The following RAD50 variants were observed in gnomAD, a reference collection of about 807,000 sequenced individuals.
RAD50 encodes the protein RAD50 double strand break repair protein.
A neutral mutation model predicts 168.8 loss-of-function variants in RAD50; 132 were observed. The observed-to-expected ratio is 0.78, with a 90% CI of 0.68 to 0.90. The LOEUF (loss-of-function observed/expected upper bound fraction) is 0.90. RAD50 is among the 40% of genes least tolerant of loss of function. The pLI is 0.00. For missense variants in RAD50, 1,347 were observed against 1,534.4 expected (o/e 0.88, Z 2.04); for synonymous variants, 525 against 497.4 (o/e 1.06, Z -0.74).
chr5:132,642,440 A>T lies in RAD50; in HGVS notation c.*76A>T, dbSNP rs953174418. On this transcript the variant is annotated 3_prime_UTR_variant, in exon 25 of 25. Transcript: ENST00000378823. ...TAATAAGAAACTTATTTCTCATATC[A>T]ACTTAGTCAATAAGAAAATATATTC... is the stretch of plus-strand genomic sequence containing the variant. 1 of 1,279,026 alleles carries T rather than the reference A, an allele frequency of 7.8e-7. No individual in the cohort carries two copies. Among genetic ancestry groups the T allele is most frequent in the African/African-American group, 1.5e-5 (1 of 66,194 alleles). The allele number at this position is 1,279,026 out of a possible 1,614,324, so 79.2% of individuals were successfully genotyped here.
intron 19 of RAD50, among the ~76,000 whole-genome samples, chr5:132,611,449 T>C (rs1285211023): frequency 6.6e-6 from 1 of 151,684 alleles, no homozygotes; most frequent in Non-Finnish European, 1.5e-5. Context: ...CTCACGCCTG[T>C]AATCCCAGCA....
intron 5 of RAD50, among the ~76,000 whole-genome samples, chr5:132,581,488 A>T (rs563097907): frequency 6.6e-5 from 10 of 152,284 alleles, no homozygotes; most frequent in Admixed American, 3.3e-4. Context: ...TTATAAAAGG[A>T]TATTAGGTGA....
At position 132,642,807 on chromosome 5, in the gene RAD50, CT is replaced by C. The variant is rs1751759833; in HGVS notation, c.*444del. The C allele has an allele frequency of 2.8e-6, 1 of 353,246 alleles. No homozygotes were observed. The highest frequency in any genetic ancestry group is 3.8e-5 in the Admixed American group (1 of 26,534). 21.9% of individuals were successfully genotyped at this position (353,246 alleles called of 1,614,324 possible). A position where few individuals can be genotyped will look rare whatever the true frequency, so the allele number is the denominator to read the frequency against. On this transcript the variant is annotated 3_prime_UTR_variant, in exon 25 of 25. Coordinates refer to ENST00000378823, the MANE Select transcript of RAD50 (RefSeq NM_005732.4). ...GGTTTGAAAAACTGAGTATTAATAT[CT>C]GAGGATGACCAGAAATGGTGAGATG...
intron 24 of RAD50, among the ~76,000 whole-genome samples, 190 bp downstream of exon 24, chr5:132,640,995 C>T (rs1751709356): frequency 6.6e-6 from 1 of 152,136 alleles, no homozygotes; most frequent in Non-Finnish European, 1.5e-5. Flanking sequence ...CAGATCCCTC[C>T]TAAAGGAACT....
At position 132,609,390 on chromosome 5, in the gene RAD50, A is replaced by G. The variant is rs771112938; in HGVS notation, c.3030A>G (p.Thr1010=). The part of the protein sequence containing the change: ...DMRLMRQDID[T]QKIQERWLQD... ...GACTCATGAGACAAGATATTGATACACAGAAGGTAGGTCTGTTTTGCTTAT... is the reference window on the plus strand; with the variant it reads ...GACTCATGAGACAAGATATTGATACGCAGAAGGTAGGTCTGTTTTGCTTAT... The change falls in exon 19 of 25, where the codon ACA becomes ACG. Residue 1010 remains threonine (T), a synonymous_variant. Coordinates refer to ENST00000378823, the MANE Select transcript of RAD50 (RefSeq NM_005732.4). The G allele has an allele frequency of 6.2e-6, 10 of 1,613,706 alleles. No individual in the cohort carries two copies. In the South Asian group the frequency reaches 1.1e-4, roughly 18 times the overall value.
chr5:132,600,957 A>T (rs1055880634), intron 13 of RAD50, among the ~76,000 whole-genome samples: 18 of 152,306 alleles, frequency 1.2e-4, no homozygotes, highest in South Asian at 2.1e-4. Flanking sequence ...AAATAATTTT[A>T]AAAAACCTTG....
At chr5:132,613,811 G>A (rs550682824) in intron 19 of RAD50, among the ~76,000 whole-genome samples, 2 of 152,052 alleles carry the variant, frequency 1.3e-5, no homozygotes, top group Admixed American at 1.3e-4. Context: ...TGGCCAGGAT[G>A]ATCTCGAACT....
intron 21 of RAD50, among the ~76,000 whole-genome samples, chr5:132,629,953 A>G (rs1005657757): frequency 4.6e-5 from 7 of 152,108 alleles, no homozygotes; most frequent in Non-Finnish European, 7.4e-5. Flanking sequence ...ATGTTAGAAT[A>G]TATCACTCAA....
intron 19 of RAD50, among the ~76,000 whole-genome samples, chr5:132,609,845 T>C (rs1205110183): frequency 6.6e-6 from 1 of 152,146 alleles, no homozygotes; most frequent in Non-Finnish European, 1.5e-5. Flanking sequence ...ATTTATTTTT[T>C]ATTTTTATTT....
At chr5:132,569,094 C>T (rs1750258164) in intron 2 of RAD50, among the ~76,000 whole-genome samples, 1 of 151,974 alleles carries the variant, frequency 6.6e-6, no homozygotes, top group African/African-American at 2.4e-5. Context: ...AAATAGGACC[C>T]ATAATCAGAG....
At chr5:132,591,795 G>A (rs1041622679) in intron 10 of RAD50, 82 bp from the exon 11 acceptor site, 8 of 1,008,652 alleles carry the variant, frequency 7.9e-6, no homozygotes, top group Non-Finnish European at 1.0e-5. Context: ...TAGAACTTTA[G>A]TCAGTCTAGA....
chr5:132,573,815 C>G (rs1313629727), intron 2 of RAD50, among the ~76,000 whole-genome samples: 1 of 152,210 alleles, frequency 6.6e-6, no homozygotes, highest in Non-Finnish European at 1.5e-5. Context: ...AGGCCCCGTG[C>G]AAGTCCGAAA....
chr5:132,602,151 T>TC (rs1750900844), intron 13 of RAD50, among the ~76,000 whole-genome samples: 1 of 152,116 alleles, frequency 6.6e-6, no homozygotes, highest in Non-Finnish European at 1.5e-5. Context: ...ATTAAAAAAT[T>TC]TTAAAAAACT....
At chr5:132,575,235 A>G (rs1034275118) in intron 2 of RAD50, among the ~76,000 whole-genome samples, 1 of 152,222 alleles carries the variant, frequency 6.6e-6, no homozygotes, top group Non-Finnish European at 1.5e-5. Context: ...GAAGGTAAGG[A>G]GGCGCAAGTC....
chr5:132,564,069 T>C (rs2522402), intron 2 of RAD50, among the ~76,000 whole-genome samples: 4,254 of 152,266 alleles, frequency 0.028, 205 homozygotes, highest in African/African-American at 0.097. Flanking sequence ...TTTCAGGTAT[T>C]TCTTTGTAGC....
chr5:132,559,120 T>C lies in RAD50; in HGVS notation c.130-164T>C, dbSNP rs557255704. Among the ~76,000 whole-genome samples, 20 of 152,352 alleles carry C rather than the reference T, an allele frequency of 1.3e-4. No homozygotes were observed. The South Asian group carries it at 4.1e-3, about 32-fold the overall frequency. ...TAGTTATATAGCATTTCTGTGAACT[T>C]ACAGCATTAACACTTAATCATATTT... On this transcript the variant is annotated intron_variant, in intron 1 of 24. Transcript: ENST00000378823.
intron 16 of RAD50, among the ~76,000 whole-genome samples, chr5:132,606,539 T>A (rs1054769362): frequency 3.3e-5 from 5 of 152,026 alleles, no homozygotes; most frequent in Admixed American, 3.3e-4. Flanking sequence ...CTACCAGAGG[T>A]ACAAAGAGGA....
chr5:132,579,361 A>G lies in RAD50; in HGVS notation c.410A>G (p.Asp137Gly), dbSNP rs768038964. Residue 137 changes from aspartate to glycine, a missense_variant, in exon 4 of 25, where the codon GAC becomes GGC. Physicochemically the swap from Asp to Gly is moderately conservative, Grantham distance 94. Coordinates refer to ENST00000378823, the MANE Select transcript of RAD50 (RefSeq NM_005732.4). Reference protein sequence around the residue: ...VSLSSKCAEIDREMISSLGVS... With the variant: ...VSLSSKCAEIGREMISSLGVS... ...CTGAGCTCTAAGTGTGCAGAAATTG[A>G]CCGAGAAATGATCAGTTCTCTTGGG... The G allele has an allele frequency of 6.2e-7, 1 of 1,614,044 alleles. No individual in the cohort carries two copies. Among genetic ancestry groups the G allele is most frequent in the Admixed American group, 1.7e-5 (1 of 60,018 alleles).
rs140683420 is a variant in RAD50 at position 132,635,792 on chromosome 5, A to T, written c.3390-1323A>T. ...AGGCAGTCTTTACATGATTGGTCTAACATTCCATCAGTTTTGTTTTGTTTT... is the reference window on the plus strand; with the variant it reads ...AGGCAGTCTTTACATGATTGGTCTATCATTCCATCAGTTTTGTTTTGTTTT... On this transcript the variant is annotated intron_variant, in intron 21 of 24. Coordinates refer to ENST00000378823, the MANE Select transcript of RAD50 (RefSeq NM_005732.4). 2.2e-4 allele frequency among the ~76,000 whole-genome samples: 33 copies of T among 152,304 alleles called. No homozygotes were observed. The East Asian group carries it at 5.8e-3, about 27-fold the overall frequency.
Sources: gnomAD v4.1 joint callset for allele counts (sites outside exome capture counted in the v4.1 genomes callset) on GRCh38, gnomAD v4.1.1 for gene constraint, MANE v1.5 for transcripts, NCBI Gene and HGNC (gene_info 2026-07-23, HGNC 2026-07-21) for gene names.